The following GABRA1 variants were observed in gnomAD, a reference collection of about 807,000 sequenced individuals.
The protein encoded by GABRA1 is gamma-aminobutyric acid type A receptor subunit alpha1, also known as gamma-aminobutyric acid receptor subunit alpha-1.
A neutral mutation model predicts 48.9 loss-of-function variants in GABRA1; 9 were observed. That is an observed-to-expected ratio of 0.18 (90% CI 0.11 to 0.32). The LOEUF is 0.32. GABRA1 is among the 10% of genes least tolerant of loss of function. The probability of loss-of-function intolerance (pLI) is 1.00; values close to 1 mark genes in which losing one functional copy is unlikely to be tolerated. For synonymous variants in GABRA1, 210 were observed against 198.7 expected (o/e 1.06, Z -0.48); for missense variants, 285 against 553.8 (o/e 0.51, Z 4.87).
At chr5:161,865,832 A>C in intron 4 of GABRA1, 44 bp downstream of exon 4, 1 of 1,543,644 alleles carries the variant, frequency 6.5e-7, no homozygotes, top group East Asian at 2.2e-5. Flanking sequence ...GAATTTTTAA[A>C]ATTTAACTTT....
intron 7 of GABRA1, among the ~76,000 whole-genome samples, chr5:161,887,172 A>G (rs913736986): frequency 3.3e-5 from 5 of 152,192 alleles, no homozygotes; most frequent in African/African-American, 1.2e-4. Flanking sequence ...GGTGAAAAAG[A>G]AAGTTTCTTC....
chr5:161,852,313 A>G (rs1194211513), intron 2 of GABRA1, among the ~76,000 whole-genome samples: 2 of 150,230 alleles, frequency 1.3e-5, no homozygotes, highest in Non-Finnish European at 3.0e-5. Flanking sequence ...AGATAAAGGT[A>G]ATAAACACTC....
At chr5:161,865,678 A>G (rs1753804842) in intron 3 of GABRA1, 43 bp from the exon 4 acceptor site, 6 of 1,488,472 alleles carry the variant, frequency 4.0e-6, no homozygotes, top group Non-Finnish European at 5.6e-6. Context: ...TCTAATAAGG[A>G]CGGTTGACAG....
Position 161,897,099 on chromosome 5 carries a change from T to A in GABRA1, c.1060-12T>A, listed in dbSNP as rs1755401318. On this transcript the variant is annotated splice_polypyrimidine_tract_variant and intron_variant, in intron 9 of 9. Transcript: ENST00000393943. The stretch of plus-strand genomic sequence containing the variant: ...TTTACTAAACAAAATGCATTGCTCT[T>A]TCTTTCTACAGCCAAAGAAAGTAAA... The A allele has an allele frequency of 6.2e-7, 1 of 1,613,690 alleles. No individual in the cohort carries two copies. The highest frequency in any genetic ancestry group is 1.3e-5 in the African/African-American group (1 of 74,932).
At chr5:161,887,424 C>T (rs2113433381) in intron 7 of GABRA1, among the ~76,000 whole-genome samples, 1 of 151,962 alleles carries the variant, frequency 6.6e-6, no homozygotes, top group Admixed American at 6.6e-5. Context: ...ATAATTATAA[C>T]TATAGAATGT....
At chr5:161,880,177 TA>T (rs1253047148) in intron 6 of GABRA1, among the ~76,000 whole-genome samples, 1 of 152,204 alleles carries the variant, frequency 6.6e-6, no homozygotes, top group East Asian at 1.9e-4. Context: ...ACAAGTCATT[TA>T]TTTTTTTCCC....
At chr5:161,886,247 T>A (rs1044385055) in intron 7 of GABRA1, among the ~76,000 whole-genome samples, 1 of 152,076 alleles carries the variant, frequency 6.6e-6, no homozygotes, top group Non-Finnish European at 1.5e-5. Flanking sequence ...GGAAGCATAG[T>A]TGCTAAGAGT....
intron 3 of GABRA1, among the ~76,000 whole-genome samples, chr5:161,861,282 A>G (rs936258612): frequency 6.6e-6 from 1 of 151,826 alleles, no homozygotes; most frequent in Non-Finnish European, 1.5e-5. Context: ...GCATACACCT[A>G]CTATGTTCTC....
intron 2 of GABRA1, among the ~76,000 whole-genome samples, chr5:161,853,946 T>C (rs1757545576): frequency 6.6e-6 from 1 of 151,798 alleles, no homozygotes; most frequent in Admixed American, 6.6e-5. Flanking sequence ...TTTCTTACAA[T>C]TTTCCTTTCA....
At chr5:161,891,964 T>C (rs1755112187) in intron 8 of GABRA1, among the ~76,000 whole-genome samples, 1 of 152,238 alleles carries the variant, frequency 6.6e-6, no homozygotes, top group Non-Finnish European at 1.5e-5. Context: ...ACTATTATTA[T>C]TTCCATTTTT....
chr5:161,871,046 C>T (rs1290992996), intron 4 of GABRA1, among the ~76,000 whole-genome samples: 1 of 149,432 alleles, frequency 6.7e-6, no homozygotes, highest in Admixed American at 6.7e-5. Flanking sequence ...TTGGGGATTC[C>T]ATTGTCTGTC....
chr5:161,877,774 T>C (rs763246196), intron 6 of GABRA1, among the ~76,000 whole-genome samples: 11 of 152,116 alleles, frequency 7.2e-5, no homozygotes, highest in Non-Finnish European at 1.5e-4. Flanking sequence ...TATAAGAAAA[T>C]TGAAGCTAAA....
At chr5:161,897,029 A>G in intron 9 of GABRA1, 82 bp from the exon 10 acceptor site, 6 of 1,298,640 alleles carry the variant, frequency 4.6e-6, no homozygotes, top group Non-Finnish European at 6.7e-6. Flanking sequence ...AGGCTGCAAA[A>G]TAAGGGCCAC....
chr5:161,850,897 T>C lies in GABRA1; in HGVS notation c.74+13T>C. The stretch of plus-strand genomic sequence containing the variant: ...TGACTGGAAGAAGGTGGGGACACTT[T>C]TTTAAAAATCTGCATGAAAATTTCT... On this transcript the variant is annotated intron_variant, in intron 2 of 9. Transcript: ENST00000393943. The C allele has an allele frequency of 6.2e-7, 1 of 1,609,272 alleles. No homozygotes were observed. The highest frequency in any genetic ancestry group is 8.5e-7 in the Non-Finnish European group (1 of 1,175,612).
In GABRA1 at chr5:161,875,575, T is replaced by A. The variant is rs1754311858; in HGVS notation, c.492T>A (p.Ala164=). The A allele has an allele frequency of 6.2e-7, 1 of 1,613,440 alleles. No homozygotes were observed. The change falls in exon 6 of 10, where the codon GCT becomes GCA. Residue 164 remains alanine, a synonymous_variant. Transcript: ENST00000393943. ...LLYTMRLTVR[A]ECPMHLEDFP... The stretch of plus-strand genomic sequence containing the variant: ...TTCCCTTAAGGCTGACAGTGAGAGC[T>A]GAATGTCCGATGCATTTGGAGGACT...
chr5:161,882,002 GGAGAA>G (rs1267972407), intron 6 of GABRA1: 2 of 155,738 alleles, frequency 1.3e-5, no homozygotes, highest in African/African-American at 4.8e-5. Flanking sequence ...AGAAGGAGAA[GGAGAA>G]GAAGAAGAAG....
At chr5:161,870,473 C>G (rs1754060889) in intron 4 of GABRA1, among the ~76,000 whole-genome samples, 2 of 150,676 alleles carry the variant, frequency 1.3e-5, no homozygotes, top group Admixed American at 1.3e-4. Flanking sequence ...GAGACTGAGC[C>G]AGGAGAATAG....
chr5:161,873,112 C>T lies in GABRA1; in HGVS notation c.256-5C>T. The T allele has an allele frequency of 1.3e-6, 2 of 1,594,698 alleles. No individual in the cohort carries two copies. The highest frequency in any genetic ancestry group is 8.6e-7 in the Non-Finnish European group (1 of 1,162,322). ...AACTCTTCGTCATTTTCCAAAATTA[C>T]CTAGGAATATACAATAGATGTATTT... On this transcript the variant is annotated splice_polypyrimidine_tract_variant and splice_region_variant and intron_variant, in intron 4 of 9. Coordinates refer to ENST00000393943, the MANE Select transcript of GABRA1 (RefSeq NM_001127644.2).
chr5:161,856,348 T>C (rs1291987826), intron 3 of GABRA1, among the ~76,000 whole-genome samples: 5 of 151,432 alleles, frequency 3.3e-5, no homozygotes, highest in Non-Finnish European at 5.9e-5. Context: ...AAAATAGATA[T>C]GTATTTAAAG....
Sources: gnomAD v4.1 joint callset for allele counts (sites outside exome capture counted in the v4.1 genomes callset) on GRCh38, gnomAD v4.1.1 for gene constraint, MANE v1.5 for transcripts, NCBI Gene and HGNC (gene_info 2026-07-23, HGNC 2026-07-21) for gene names.